The following CDKL1 variants were observed in gnomAD, a reference collection of about 807,000 sequenced individuals.
CDKL1 encodes the protein cyclin-dependent kinase-like 1.
A neutral mutation model predicts 42.0 loss-of-function variants in CDKL1; 41 were observed. The observed-to-expected ratio is 0.98, with a 90% confidence interval of 0.76 to 1.27. The LOEUF (loss-of-function observed/expected upper bound fraction) is 1.27, where lower values mean the gene tolerates loss of function less well. CDKL1 is among the 50% of genes most tolerant of loss of function. The pLI is 0.00. For missense variants in CDKL1, 394 were observed against 428.4 expected, an observed-to-expected ratio of 0.92 and a Z score of 0.71; for synonymous variants, 153 against 158.6, an observed-to-expected ratio of 0.96 and a Z score of 0.26.
Position 50,395,955 on chromosome 14 carries a change from C to T in CDKL1, c.-87G>A, listed in dbSNP as rs549937211. On this transcript the variant is annotated 5_prime_UTR_variant, in exon 2 of 10. Transcript: ENST00000395834. ...ATCCCAGCACTTTGGGAGGCTGAGG[C>T]GGGCAGATCACCTGAGGTCAGGAGT... 54 of 1,256,030 alleles carry T rather than the reference C, an allele frequency of 4.3e-5. No homozygotes were observed. Among genetic ancestry groups the T allele is most frequent in the East Asian group, 2.1e-4 (9 of 41,982 alleles). 77.8% of individuals were successfully genotyped at this position (1,256,030 alleles called of 1,614,324 possible).
intron 2 of CDKL1, chr14:50,377,754 C>A: frequency 8.3e-7 from 1 of 1,210,922 alleles, no homozygotes; most frequent in Non-Finnish European, 1.1e-6. Flanking sequence ...GAGTGGTATG[C>A]GGCAATGGTC....
rs1194091636 is a variant in CDKL1 at position 50,395,742 on chromosome 14, CA to C, written c.126del (p.Val43SerfsTer2). 6.2e-7 allele frequency: 1 copy of C among 1,613,786 alleles called. No homozygotes were observed. Among genetic ancestry groups the C allele is most frequent in the African/African-American group, 1.3e-5 (1 of 74,926 alleles). Reference protein sequence around the residue: ...IKKFLESEDDPVIKKIALREI... With the variant: ...IKKFLESEDDXVIKKIALREI... ...TCCCGAAGGGCAATTTTCTTTATGA[CA>C]GGGTCATCTTCTGATTCCAGAAACT... On this transcript the variant is annotated frameshift_variant, in exon 2 of 10. Coordinates refer to ENST00000395834, the MANE Select transcript of CDKL1 (RefSeq NM_004196.7). LOFTEE classifies it high-confidence loss of function.
chr14:50,377,548 G>A, intron 2 of CDKL1: 1 of 1,317,268 alleles, frequency 7.6e-7, no homozygotes, highest in Non-Finnish European at 1.0e-6. Context: ...TACCTGAAGT[G>A]GCCTTAGCTA....
At chr14:50,362,190 G>A (rs371095540) in intron 2 of CDKL1, 85 of 142,764 alleles carry the variant, frequency 6.0e-4, no homozygotes, top group South Asian at 5.0e-3. Context: ...CCCCACCGTG[G>A]GCTCCTGCGC....
chr14:50,338,630 C>T (rs902203614), intron 7 of CDKL1, among the ~76,000 whole-genome samples: 1 of 152,076 alleles, frequency 6.6e-6, no homozygotes, highest in Non-Finnish European at 1.5e-5. Flanking sequence ...GTTAACTTTA[C>T]CTTGATAGGT....
chr14:50,368,448 G>C (rs1293413950), intron 2 of CDKL1, among the ~76,000 whole-genome samples: 1 of 151,838 alleles, frequency 6.6e-6, no homozygotes, highest in Non-Finnish European at 1.5e-5. Flanking sequence ...AATTTTTTTA[G>C]AGACAGTGTC....
intron 2 of CDKL1, among the ~76,000 whole-genome samples, chr14:50,379,760 CCA>C (rs2034849034): frequency 6.6e-6 from 1 of 152,172 alleles, no homozygotes; most frequent in African/African-American, 2.4e-5. Context: ...AGCTCCTCGC[CCA>C]GTTTCTAGAT....
In CDKL1 at chr14:50,358,899, C is replaced by T. The variant is rs1048238198; in HGVS notation, c.290+129G>A. 5 of 863,324 alleles carry T rather than the reference C, an allele frequency of 5.8e-6. No individual in the cohort carries two copies. The African/African-American group carries it at 6.8e-5, about 12-fold the overall frequency. The allele number at this position is 863,324 out of a possible 1,614,324, so 53.5% of individuals were successfully genotyped here. A position where few individuals can be genotyped will look rare whatever the true frequency, so the allele number is the denominator to read the frequency against. On this transcript the variant is annotated intron_variant, in intron 3 of 9. Transcript: ENST00000395834. ...AGATGATCCACCCGTCTAGGCCTCC[C>T]AAAGTGCTGGGATTACTGGCATGAG...
chr14:50,356,231 C>G (rs148080375), intron 3 of CDKL1, among the ~76,000 whole-genome samples: 1 of 152,252 alleles, frequency 6.6e-6, no homozygotes, highest in Non-Finnish European at 1.5e-5. Flanking sequence ...CTTCTGACCC[C>G]TAAGGTACTT....
intron 3 of CDKL1, 120 bp from the exon 4 acceptor site, chr14:50,345,178 C>A: frequency 1.3e-6 from 1 of 750,248 alleles, no homozygotes; most frequent in South Asian, 1.8e-5. Context: ...GACACATAGT[C>A]ATCTTACTCA....
chr14:50,390,832 CTTGAT>C (rs1163619123), intron 2 of CDKL1, among the ~76,000 whole-genome samples: 1 of 152,128 alleles, frequency 6.6e-6, no homozygotes, highest in African/African-American at 2.4e-5. Context: ...TGCCTGACTT[CTTGAT>C]TTTTCTTTTT....
chr14:50,356,865 C>T (rs2034072096), intron 3 of CDKL1, among the ~76,000 whole-genome samples: 1 of 152,158 alleles, frequency 6.6e-6, no homozygotes, highest in Non-Finnish European at 1.5e-5. Context: ...TTTCCTGGAA[C>T]ATATATAACA....
chr14:50,367,274 T>C (rs1330274839), intron 2 of CDKL1, among the ~76,000 whole-genome samples: 1 of 152,116 alleles, frequency 6.6e-6, no homozygotes. Context: ...CTTCCCTGGG[T>C]TGGGGTCGAG....
intron 2 of CDKL1, among the ~76,000 whole-genome samples, chr14:50,366,411 G>A (rs946379353): frequency 4.6e-5 from 7 of 152,180 alleles, no homozygotes; most frequent in Admixed American, 2.0e-4. Context: ...AAGACAGTGT[G>A]GCTGGTGGGT....
chr14:50,359,231 T>A, intron 2 of CDKL1, 82 bp from the exon 3 acceptor site: 1 of 1,480,208 alleles, frequency 6.8e-7, no homozygotes, highest in Non-Finnish European at 9.1e-7. Context: ...AAAAGTAAGT[T>A]GTTTGTCCTT....
Position 50,341,164 on chromosome 14 carries a change from C to T in CDKL1, c.523G>A (p.Gly175Arg). 1.2e-6 allele frequency: 2 copies of T among 1,614,158 alleles called. No homozygotes were observed. Among genetic ancestry groups the T allele is most frequent in the Middle Eastern group, 1.6e-4 (1 of 6,062 alleles). ...RWYRSPELLV[G>R]DTQYGPPVDV... ...ACCGGGGGGCCGTACTGCGTGTCCC[C>T]CACCAGCAGCTCAGGGGAGCGGTAC... The change falls in exon 6 of 10, where the codon GGG (glycine) becomes AGG (arginine). Residue 175 changes from glycine (G) to arginine (R), a missense_variant. Physicochemically the swap from Gly to Arg is moderately radical, Grantham distance 125. Transcript: ENST00000395834.
At chr14:50,330,613 G>A (rs1189216547) in intron 9 of CDKL1, 1 of 163,902 alleles carries the variant, frequency 6.1e-6, no homozygotes, top group Non-Finnish European at 1.3e-5. Flanking sequence ...ATGGCACAGT[G>A]TACACTTGTA....
intron 2 of CDKL1, among the ~76,000 whole-genome samples, chr14:50,368,156 C>T (rs1001807857): frequency 6.6e-6 from 1 of 152,112 alleles, no homozygotes; most frequent in Admixed American, 6.5e-5. Flanking sequence ...GACAGGGTTT[C>T]GCTACGTTGC....
At chr14:50,372,106 GTTTTGTTTT>G (rs2034607183) in intron 2 of CDKL1, among the ~76,000 whole-genome samples, 5 of 149,920 alleles carry the variant, frequency 3.3e-5, no homozygotes, top group African/African-American at 7.6e-5. Context: ...GGGTATTTTT[GTTTTGTTTT>G]GTTTTGTTTT....
Sources: allele counts gnomAD v4.1 joint callset (sites outside exome capture counted in the v4.1 genomes callset), GRCh38; gene constraint gnomAD v4.1.1; transcripts MANE v1.5; gene names NCBI Gene and HGNC (gene_info 2026-07-23, HGNC 2026-07-21).